XKR9: variants seen among roughly 807,000 people sequenced by gnomAD.
The protein encoded by XKR9 is XK related 9, also known as XK-related protein 9.
XKR9 carries 32 observed loss-of-function variants against 32.0 expected under a neutral mutation model. The ratio of observed to expected loss-of-function variants is 1.00; its 90% CI spans 0.76 to 1.34. The LOEUF is 1.34. Ranked by LOEUF, XKR9 falls within the 40% of genes most tolerant of loss-of-function variation. The pLI, the probability that XKR9 is intolerant of heterozygous loss-of-function variation, is 0.00. For missense variants in XKR9, 546 were observed against 429.7 expected, an observed-to-expected ratio of 1.27 and a Z score of -2.39; for synonymous variants, 168 against 143.4, an observed-to-expected ratio of 1.17 and a Z score of -1.22.
At chr8:70,855,500 A>G in the XKR9 span, among the ~76,000 whole-genome samples, 2 of 152,190 alleles carry the variant, frequency 1.3e-5, no homozygotes, top group Admixed American at 1.3e-4. Flanking sequence ...TCTACGTCTG[A>G]TTGGTTTACC....
the XKR9 span, among the ~76,000 whole-genome samples, chr8:70,956,587 C>G: frequency 1.3e-5 from 2 of 152,132 alleles, no homozygotes; most frequent in African/African-American, 4.8e-5. Flanking sequence ...AACATGCTGT[C>G]CATGGTGCCC....
intron 2 of XKR9, among the ~76,000 whole-genome samples, chr8:70,766,872 T>C (rs1158590262): frequency 6.6e-6 from 1 of 152,226 alleles, no homozygotes; most frequent in African/African-American, 2.4e-5. Context: ...TTTTTGTCAT[T>C]GGTTCTGTTT....
chr8:70,860,306 G>A, the XKR9 span, among the ~76,000 whole-genome samples: 2 of 152,056 alleles, frequency 1.3e-5, no homozygotes, highest in African/African-American at 2.4e-5. Context: ...AAGCCAGTGA[G>A]CTAGCTAGCT....
chr8:71,000,143 T>C, the XKR9 span, among the ~76,000 whole-genome samples: 1 of 152,230 alleles, frequency 6.6e-6, no homozygotes, highest in African/African-American at 2.4e-5. Flanking sequence ...TAATTGTCTA[T>C]TGGCTCTAGA....
the XKR9 span, among the ~76,000 whole-genome samples, chr8:70,898,139 GT>G: frequency 2.6e-5 from 4 of 152,138 alleles, no homozygotes; most frequent in Admixed American, 1.3e-4. Flanking sequence ...TGGATATCCA[GT>G]TTTCCCAGCA....
At chr8:70,885,758 G>A in the XKR9 span, among the ~76,000 whole-genome samples, 158 of 152,072 alleles carry the variant, frequency 1.0e-3, no homozygotes, top group Non-Finnish European at 1.6e-3. Flanking sequence ...CACCACGCCC[G>A]GCTAATTTTT....
intron 3 of XKR9, among the ~76,000 whole-genome samples, chr8:70,690,500 G>GT (rs71566233): frequency 0.32 from 44,607 of 140,612 alleles, 8,472 homozygotes; most frequent in Non-Finnish European, 0.44. Context: ...TGCCCAGCTA[G>GT]TTTTTTTTTT....
chr8:70,742,544 G>T (rs1392986525), intron 2 of XKR9, among the ~76,000 whole-genome samples: 2 of 152,164 alleles, frequency 1.3e-5, no homozygotes, highest in Non-Finnish European at 2.9e-5. Context: ...CTTCAGCCTA[G>T]ATAATTTGTT....
At chr8:70,879,065 TA>T in the XKR9 span, among the ~76,000 whole-genome samples, 2 of 152,146 alleles carry the variant, frequency 1.3e-5, no homozygotes, top group African/African-American at 4.8e-5. Flanking sequence ...ACTTGGTAAA[TA>T]ACAAAATGAA....
At chr8:70,878,541 A>T in the XKR9 span, among the ~76,000 whole-genome samples, 7 of 152,206 alleles carry the variant, frequency 4.6e-5, no homozygotes, top group Non-Finnish European at 8.8e-5. Flanking sequence ...ACCAACAAAG[A>T]TCAAAAGAGA....
At chr8:70,938,041 A>G in the XKR9 span, among the ~76,000 whole-genome samples, 1 of 152,094 alleles carries the variant, frequency 6.6e-6, no homozygotes, top group African/African-American at 2.4e-5. Flanking sequence ...GGACAAGAGT[A>G]GAAAACAACA....
the XKR9 span, among the ~76,000 whole-genome samples, chr8:70,839,440 G>A: frequency 5.1e-4 from 77 of 152,178 alleles, no homozygotes; most frequent in Non-Finnish European, 7.8e-4. Flanking sequence ...GTTTAAATAC[G>A]TGCTCAGATA....
chr8:70,809,534 TA>T, the XKR9 span, among the ~76,000 whole-genome samples: 1 of 152,110 alleles, frequency 6.6e-6, no homozygotes, highest in African/African-American at 2.4e-5. Flanking sequence ...GCGAAGAAGT[TA>T]AAAACCTTGA....
chr8:70,861,282 G>A, the XKR9 span, among the ~76,000 whole-genome samples: 18 of 152,092 alleles, frequency 1.2e-4, no homozygotes, highest in Non-Finnish European at 2.5e-4. Flanking sequence ...GTGACCTTGG[G>A]AAAATTGCTT....
the XKR9 span, among the ~76,000 whole-genome samples, chr8:70,892,177 A>G: frequency 6.6e-6 from 1 of 152,096 alleles, no homozygotes; most frequent in East Asian, 1.9e-4. Context: ...TGTAGGTAAC[A>G]TATGGTTAGG....
chr8:71,058,977 C>T, the XKR9 span, among the ~76,000 whole-genome samples: 3 of 152,126 alleles, frequency 2.0e-5, no homozygotes, highest in Non-Finnish European at 2.9e-5. Flanking sequence ...AAACTAATTG[C>T]CAAATAAACT....
intron 2 of XKR9, among the ~76,000 whole-genome samples, chr8:70,746,152 A>G (rs1398324018): frequency 6.6e-6 from 1 of 151,120 alleles, no homozygotes; most frequent in Non-Finnish European, 1.5e-5. Flanking sequence ...TAAACAGCAT[A>G]TAATAAATAT....
chr8:70,970,666 T>C, the XKR9 span, among the ~76,000 whole-genome samples: 1 of 152,214 alleles, frequency 6.6e-6, no homozygotes, highest in East Asian at 1.9e-4. Flanking sequence ...TTTTATTGCA[T>C]AGTATTCTAT....
the XKR9 span, among the ~76,000 whole-genome samples, chr8:70,822,144 C>A: frequency 6.6e-6 from 1 of 151,924 alleles, no homozygotes; most frequent in African/African-American, 2.4e-5. Flanking sequence ...TAGAGCTAAC[C>A]CATTACTCAA....
Sources: gnomAD v4.1 joint callset for allele counts (sites outside exome capture counted in the v4.1 genomes callset) on GRCh38, gnomAD v4.1.1 for gene constraint, MANE v1.5 for transcripts, NCBI Gene and HGNC (gene_info 2026-07-23, HGNC 2026-07-21) for gene names.